Variants in DDX10 observed in about 807,000 individuals in gnomAD.
DDX10 encodes the protein DEAD-box helicase 10.
A neutral mutation model predicts 104.3 loss-of-function variants in DDX10; 74 were observed. That is an observed-to-expected ratio of 0.71 (90% confidence interval 0.59 to 0.86). The LOEUF (loss-of-function observed/expected upper bound fraction) is 0.86, where lower values mean the gene tolerates loss of function less well. Among genes scored for constraint, DDX10 ranks in the 40% least tolerant of loss-of-function variants. DDX10 has a pLI of 0.00. For missense variants in DDX10, 952 were observed against 1,040.0 expected (o/e 0.92, Z 1.16); for synonymous variants, 351 against 353.4 (o/e 0.99, Z 0.08).
At chr11:108,846,281 C>T (rs1258698444) in intron 15 of DDX10, among the ~76,000 whole-genome samples, 1 of 152,092 alleles carries the variant, frequency 6.6e-6, no homozygotes, top group African/African-American at 2.4e-5. Flanking sequence ...CATTTAAAAT[C>T]CATTCTTTTA....
chr11:108,788,696 T>G (rs1343703961), intron 13 of DDX10, among the ~76,000 whole-genome samples: 3 of 152,198 alleles, frequency 2.0e-5, no homozygotes, highest in Admixed American at 1.3e-4. Context: ...TTCACTGGTG[T>G]TGTATACTGG....
intron 13 of DDX10, among the ~76,000 whole-genome samples, chr11:108,782,343 G>C (rs1565276811): frequency 6.6e-6 from 1 of 152,102 alleles, no homozygotes; most frequent in African/African-American, 2.4e-5. Flanking sequence ...TATCATCCTT[G>C]AATATCTCTG....
At chr11:108,793,556 T>A (rs1413799614) in intron 13 of DDX10, among the ~76,000 whole-genome samples, 1 of 152,210 alleles carries the variant, frequency 6.6e-6, no homozygotes, top group African/African-American at 2.4e-5. Context: ...ATATTTTTCA[T>A]CCTATTATAA....
At position 108,760,675 on chromosome 11, in the gene DDX10, G is replaced by GT. The variant is rs201234836; in HGVS notation, c.1965+37230dup. Among the ~76,000 whole-genome samples the GT allele has an allele frequency of 8.6e-3, 1,120 of 129,644 alleles. 5 individuals carry two copies. The highest frequency in any genetic ancestry group is 0.024 in the Middle Eastern group (6 of 250). The allele number at this position is 129,644 out of a possible 152,430, so 85.1% of individuals were successfully genotyped here. On this transcript the variant is annotated intron_variant, in intron 13 of 17. Coordinates refer to ENST00000322536, the MANE Select transcript of DDX10 (RefSeq NM_004398.4). The stretch of plus-strand genomic sequence containing the variant: ...TTTTATTCATGTACAACATAACACT[G>GT]TTTTTTTTTTTTTTTTTAAATTGGA...
chr11:108,698,143 A>T (rs953447747), intron 9 of DDX10, among the ~76,000 whole-genome samples: 7 of 152,238 alleles, frequency 4.6e-5, no homozygotes, highest in Non-Finnish European at 8.8e-5. Flanking sequence ...CCACTAGTTA[A>T]AATCTGTAAT....
chr11:108,784,903 G>T (rs1443488946), intron 13 of DDX10, among the ~76,000 whole-genome samples: 1 of 152,082 alleles, frequency 6.6e-6, no homozygotes, highest in Non-Finnish European at 1.5e-5. Flanking sequence ...TCATTCTTCT[G>T]CATATGGCTA....
At chr11:108,821,827 G>A (rs1181492679) in intron 13 of DDX10, among the ~76,000 whole-genome samples, 1 of 152,122 alleles carries the variant, frequency 6.6e-6, no homozygotes, top group African/African-American at 2.4e-5. Context: ...TTAGATAAAA[G>A]GAATCTAATT....
In DDX10 at chr11:108,907,763, A is replaced by C. The variant is rs377066906; in HGVS notation, c.2305-10110A>C. The stretch of plus-strand genomic sequence containing the variant: ...GTACACTTCAGCCAGTATATATTAG[A>C]GATGCACCAAATACATACACATTTG... On this transcript the variant is annotated intron_variant, in intron 16 of 17. Coordinates refer to ENST00000322536, the MANE Select transcript of DDX10 (RefSeq NM_004398.4). Among the ~76,000 whole-genome samples, 132 of 152,354 alleles carry C rather than the reference A, an allele frequency of 8.7e-4. 1 individual carries two copies. The highest frequency in any genetic ancestry group is 2.8e-3 in the African/African-American group (118 of 41,578).
chr11:108,797,120 G>T (rs1326695911), intron 13 of DDX10, among the ~76,000 whole-genome samples: 1 of 151,852 alleles, frequency 6.6e-6, no homozygotes, highest in Non-Finnish European at 1.5e-5. Context: ...TGCAGCCTCT[G>T]CCTCCTGGGT....
At chr11:108,702,367 C>T (rs927778192) in intron 9 of DDX10, among the ~76,000 whole-genome samples, 48 of 152,144 alleles carry the variant, frequency 3.2e-4, no homozygotes, top group African/African-American at 1.0e-3. Flanking sequence ...TCTAAATAAA[C>T]TTTTTGTAAC....
chr11:108,897,362 G>A (rs1189799327), intron 16 of DDX10, among the ~76,000 whole-genome samples: 3 of 152,184 alleles, frequency 2.0e-5, no homozygotes, highest in African/African-American at 7.2e-5. Flanking sequence ...AGGAGACAGT[G>A]AGATAGGAAA....
At chr11:108,688,058 T>TGAAGA (rs2094247116) in intron 6 of DDX10, among the ~76,000 whole-genome samples, 4 of 152,190 alleles carry the variant, frequency 2.6e-5, no homozygotes, top group Non-Finnish European at 5.9e-5. Context: ...CTTCATTCCT[T>TGAAGA]TTTTACAGTT....
At chr11:108,750,440 C>A (rs1565267227) in intron 13 of DDX10, among the ~76,000 whole-genome samples, 1 of 152,094 alleles carries the variant, frequency 6.6e-6, no homozygotes, top group Non-Finnish European at 1.5e-5. Context: ...GGTTATTGAA[C>A]TACTCACACA....
At chr11:108,892,051 G>A (rs1045129122) in intron 16 of DDX10, among the ~76,000 whole-genome samples, 1 of 152,116 alleles carries the variant, frequency 6.6e-6, no homozygotes, top group African/African-American at 2.4e-5. Context: ...GCTTTATGTA[G>A]TAGTCAGAAC....
chr11:108,830,276 CTTGTT>C (rs1183853914), intron 13 of DDX10, among the ~76,000 whole-genome samples: 3 of 152,118 alleles, frequency 2.0e-5, no homozygotes, highest in Non-Finnish European at 4.4e-5. Context: ...TTTTCACATC[CTTGTT>C]TAGGTATATT....
chr11:108,780,805 T>A (rs1250543711), intron 13 of DDX10, among the ~76,000 whole-genome samples: 1 of 152,212 alleles, frequency 6.6e-6, no homozygotes, highest in African/African-American at 2.4e-5. Flanking sequence ...TACATAAGCC[T>A]ATTAAATGAA....
intron 17 of DDX10, among the ~76,000 whole-genome samples, chr11:108,928,630 A>G (rs1012804778): frequency 6.6e-6 from 1 of 152,206 alleles, no homozygotes; most frequent in Non-Finnish European, 1.5e-5. Context: ...TTTACAAGTT[A>G]TGGACCTTTG....
intron 15 of DDX10, among the ~76,000 whole-genome samples, chr11:108,851,637 CT>C (rs1862794195): frequency 6.6e-6 from 1 of 151,996 alleles, no homozygotes; most frequent in African/African-American, 2.4e-5. Flanking sequence ...TGTTTAACCC[CT>C]GAATGTTAAC....
In DDX10 at chr11:108,706,766, A is replaced by G. The variant is rs774607971; in HGVS notation, c.1251A>G (p.Leu417=). Residue 417 remains leucine, a synonymous_variant, in exon 10 of 18, where the codon CTA becomes CTG. Coordinates refer to ENST00000322536, the MANE Select transcript of DDX10 (RefSeq NM_004398.4). ...ARYKEDGEAL[L]ILLPSEKAMV... ...ACAAAGAGGATGGTGAAGCTTTGCT[A>G]ATTTTGCTACCCTCAGAAAAAGCTA... 44 of 1,613,906 alleles carry G rather than the reference A, an allele frequency of 2.7e-5. No homozygotes were observed. Among genetic ancestry groups the G allele is most frequent in the Non-Finnish European group, 3.6e-5 (42 of 1,179,918 alleles).
Sources: gnomAD v4.1 joint callset for allele counts (sites outside exome capture counted in the v4.1 genomes callset) on GRCh38, gnomAD v4.1.1 for gene constraint, MANE v1.5 for transcripts, NCBI Gene and HGNC (gene_info 2026-07-23, HGNC 2026-07-21) for gene names.